The following NXN variants were observed in gnomAD, a reference collection of about 807,000 sequenced individuals.
NXN encodes nucleoredoxin, also known as nucleoredoxin 1.
NXN carries 16 observed loss-of-function variants against 48.6 expected under a neutral mutation model. The ratio of observed to expected loss-of-function variants is 0.33; its 90% CI spans 0.22 to 0.50. NXN has a LOEUF of 0.50. Ranked by LOEUF, NXN falls within the 20% of genes least tolerant of loss-of-function variation. The pLI, the probability that NXN is intolerant of heterozygous loss-of-function variation, is 0.98. For missense variants in NXN, 492 were observed against 605.5 expected (o/e 0.81, Z 1.97); for synonymous variants, 281 against 269.6 (o/e 1.04, Z -0.41).
chr17:822,240 C>T lies in NXN; in HGVS notation c.713+117G>A, dbSNP rs540740935. 9.1e-5 allele frequency: 63 copies of T among 689,674 alleles called. 1 individual carries two copies. The Middle Eastern group carries it at 3.9e-3, about 43-fold the overall frequency. The allele number at this position is 689,674 out of a possible 1,614,324, so 42.7% of individuals were successfully genotyped here. On this transcript the variant is annotated intron_variant, in intron 4 of 7. Coordinates refer to ENST00000336868, the MANE Select transcript of NXN (RefSeq NM_022463.5). ...GTTGCAGTGAGCTGAGATCACACCA[C>T]TGCACTCCAGCCTGGGAGACAAGAG...
chr17:938,830 C>T lies in NXN; in HGVS notation c.360+40489G>A, dbSNP rs571892744. ...ATCCCAGCACTTTGGTAGGCCGAGG[C>T]GGGCGGATCACTTGAGGCCAGGGGT... is the stretch of plus-strand genomic sequence containing the variant. On this transcript the variant is annotated intron_variant, in intron 1 of 7. Transcript: ENST00000336868. 1.6e-4 allele frequency among the ~76,000 whole-genome samples: 25 copies of T among 152,156 alleles called. No individual in the cohort carries two copies. The East Asian group carries it at 4.4e-3, about 27-fold the overall frequency.
chr17:811,980 T>G (rs1326928019), intron 5 of NXN, among the ~76,000 whole-genome samples: 10 of 133,924 alleles, frequency 7.5e-5, no homozygotes, highest in Non-Finnish European at 1.4e-4. Flanking sequence ...CAGGCTGGAG[T>G]GCAGTGGCAA....
chr17:964,462 T>A (rs1227779530), intron 1 of NXN, among the ~76,000 whole-genome samples: 1 of 152,222 alleles, frequency 6.6e-6, no homozygotes, highest in East Asian at 1.9e-4. Flanking sequence ...AAAGAGAATA[T>A]GTTCACGTGG....
chr17:974,455 T>C (rs2069433195), intron 1 of NXN, among the ~76,000 whole-genome samples: 2 of 152,066 alleles, frequency 1.3e-5, no homozygotes, highest in Non-Finnish European at 2.9e-5. Flanking sequence ...ATGAAATGAA[T>C]GACTAAACTT....
At chr17:936,153 A>G (rs76707299) in intron 1 of NXN, among the ~76,000 whole-genome samples, 2,047 of 151,194 alleles carry the variant, frequency 0.014, 51 homozygotes, top group African/African-American at 0.046. Flanking sequence ...GTCCTCCAAA[A>G]GATGGCTGGA....
At chr17:843,198 G>A (rs527343655) in intron 1 of NXN, among the ~76,000 whole-genome samples, 4 of 152,322 alleles carry the variant, frequency 2.6e-5, no homozygotes, top group South Asian at 2.1e-4. Flanking sequence ...TGTGCCGAAC[G>A]CAAAGTATTT....
rs145500725 is a variant in NXN, at chr17:968,431, G to A, written c.360+10888C>T. Among the ~76,000 whole-genome samples the A allele has an allele frequency of 5.8e-4, 88 of 152,244 alleles. 1 individual carries two copies. The highest frequency in any genetic ancestry group is 1.0e-3 in the African/African-American group (42 of 41,552). On this transcript the variant is annotated intron_variant, in intron 1 of 7. Transcript: ENST00000336868. The stretch of plus-strand genomic sequence containing the variant: ...ATGCAAAGATACACAGATGCAGCCC[G>A]GCGTGGTGGTGCACACCTGCATTCC...
At chr17:943,223 A>C (rs1406566466) in intron 1 of NXN, among the ~76,000 whole-genome samples, 2 of 152,214 alleles carry the variant, frequency 1.3e-5, no homozygotes, top group Non-Finnish European at 2.9e-5. Context: ...TGTGAACTTT[A>C]AATCTGTCAA....
intron 1 of NXN, among the ~76,000 whole-genome samples, chr17:885,737 G>C (rs1345283918): frequency 7.3e-6 from 1 of 137,704 alleles, no homozygotes; most frequent in African/African-American, 2.8e-5. Flanking sequence ...CTGGAGTGCA[G>C]TGGCGCAATC....
chr17:906,229 C>T (rs1329832852), intron 1 of NXN, among the ~76,000 whole-genome samples: 4 of 152,100 alleles, frequency 2.6e-5, no homozygotes, highest in African/African-American at 9.7e-5. Context: ...TAGTGGCGGC[C>T]CCTGGACCAC....
At chr17:909,098 C>CAAAAAAAAAAAAAAAAAAAAAAAAAAAAA (rs59822805) in intron 1 of NXN, among the ~76,000 whole-genome samples, 1 of 117,330 alleles carries the variant, frequency 8.5e-6, no homozygotes, top group African/African-American at 3.4e-5. Context: ...GACTTCGTCT[C>CAAAAAAAAAAAAAAAAAAAAAAAAAAAAA]AAAAAAAAAA....
At chr17:954,249 T>TCTCGAACAGAGTA in intron 1 of NXN, among the ~76,000 whole-genome samples, 1 of 151,724 alleles carries the variant, frequency 6.6e-6, no homozygotes, top group South Asian at 2.1e-4. Flanking sequence ...GGTGTGGTGG[T>TCTCGAACAGAGTA]GCACGTCTGT....
At chr17:838,132 T>A (rs1913932150) in intron 1 of NXN, among the ~76,000 whole-genome samples, 1 of 138,596 alleles carries the variant, frequency 7.2e-6, no homozygotes, top group East Asian at 2.1e-4. Flanking sequence ...CCTTCTTTTT[T>A]TTTTTTTTTT....
chr17:877,186 C>T (rs1046750836), intron 1 of NXN, among the ~76,000 whole-genome samples: 5 of 151,872 alleles, frequency 3.3e-5, no homozygotes, highest in African/African-American at 4.8e-5. Flanking sequence ...CTCACTCTGT[C>T]GCCCAGGCTG....
At chr17:869,049 G>A (rs565705252) in intron 1 of NXN, among the ~76,000 whole-genome samples, 1 of 152,134 alleles carries the variant, frequency 6.6e-6, no homozygotes, top group African/African-American at 2.4e-5. Flanking sequence ...GGTGGTGGCT[G>A]GGGCAGATTC....
intron 5 of NXN, among the ~76,000 whole-genome samples, chr17:808,824 G>A (rs529979469): frequency 4.0e-4 from 61 of 151,406 alleles, no homozygotes; most frequent in African/African-American, 1.4e-3. Context: ...ACAGGCACCC[G>A]CCACCACACC....
At chr17:946,704 C>T (rs974803445) in intron 1 of NXN, among the ~76,000 whole-genome samples, 4 of 152,198 alleles carry the variant, frequency 2.6e-5, no homozygotes, top group East Asian at 1.9e-4. Flanking sequence ...TCTGGAGGGA[C>T]GACCCCCCGC....
At chr17:934,135 C>G (rs2068881128) in intron 1 of NXN, among the ~76,000 whole-genome samples, 1 of 152,080 alleles carries the variant, frequency 6.6e-6, no homozygotes, top group Non-Finnish European at 1.5e-5. Flanking sequence ...GGCGCCGTGG[C>G]TCACGTCTGT....
At chr17:953,669 T>C (rs912346230) in intron 1 of NXN, among the ~76,000 whole-genome samples, 4 of 152,048 alleles carry the variant, frequency 2.6e-5, no homozygotes, top group Non-Finnish European at 5.9e-5. Context: ...CTCTAAGGAG[T>C]CCAGAGTGAG....
Sources: allele counts gnomAD v4.1 joint callset (sites outside exome capture counted in the v4.1 genomes callset), GRCh38; gene constraint gnomAD v4.1.1; transcripts MANE v1.5; gene names NCBI Gene and HGNC (gene_info 2026-07-23, HGNC 2026-07-21).